Variants in ATCAY observed in about 807,000 individuals in gnomAD.
The protein encoded by ATCAY is caytaxin.
In ATCAY, 22 loss-of-function variants were observed where a neutral mutation model predicts 47.7. The observed-to-expected ratio is 0.46, with a 90% confidence interval of 0.33 to 0.66. The LOEUF (loss-of-function observed/expected upper bound fraction) is 0.66. Among genes scored for constraint, ATCAY ranks in the 30% least tolerant of loss-of-function variants. The pLI, the probability that ATCAY is intolerant of heterozygous loss-of-function variation, is 0.02. For missense variants in ATCAY, 452 were observed against 515.0 expected, an observed-to-expected ratio of 0.88 and a Z score of 1.18; for synonymous variants, 216 against 207.6, an observed-to-expected ratio of 1.04 and a Z score of -0.35.
chr19:3,912,456 G>A (rs539355870), intron 8 of ATCAY, among the ~76,000 whole-genome samples: 10 of 152,062 alleles, frequency 6.6e-5, no homozygotes, highest in Admixed American at 1.3e-4. Flanking sequence ...GACTACAGGC[G>A]CCCGCCACCA....
intron 1 of ATCAY, among the ~76,000 whole-genome samples, chr19:3,884,371 T>A (rs1341048283): frequency 6.6e-6 from 1 of 152,134 alleles, no homozygotes; most frequent in African/African-American, 2.4e-5. Context: ...CTTTCCACAC[T>A]GCCTTAGTGA....
intron 9 of ATCAY, among the ~76,000 whole-genome samples, chr19:3,915,775 G>A (rs1269965875): frequency 1.2e-4 from 16 of 129,036 alleles, no homozygotes; most frequent in Non-Finnish European, 2.6e-4. Context: ...GGCTGGTCTC[G>A]AACTCCCGAC....
At chr19:3,904,654 A>ACG (rs1318511379) in intron 3 of ATCAY, among the ~76,000 whole-genome samples, 31 of 151,678 alleles carry the variant, frequency 2.0e-4, no homozygotes, top group African/African-American at 6.8e-4. Flanking sequence ...ACACACACAC[A>ACG]CACACGTCCT....
chr19:3,922,300 A>G, intron 12 of ATCAY: 1 of 686,704 alleles, frequency 1.5e-6, no homozygotes, highest in Non-Finnish European at 2.6e-6. Context: ...AAAGAGGTTT[A>G]ATTGACTCAC....
rs1317877231 is a variant in ATCAY at position 3,917,683 on chromosome 19, C to CA, written c.966-54dup. 5.0e-6 allele frequency: 8 copies of CA among 1,600,180 alleles called. No individual in the cohort carries two copies. In the African/African-American group the frequency reaches 8.1e-5, roughly 16 times the overall value. ...TGCTTGAAAAGGAAAGGGATTTCCC[C>CA]AAAAAGTATATCTCAGGGGAAAGGA... is the stretch of plus-strand genomic sequence containing the variant. On this transcript the variant is annotated intron_variant, in intron 9 of 12. Transcript: ENST00000450849.
At chr19:3,913,102 A>G (rs1035172417) in intron 8 of ATCAY, among the ~76,000 whole-genome samples, 2 of 152,114 alleles carry the variant, frequency 1.3e-5, no homozygotes, top group Non-Finnish European at 2.9e-5. Flanking sequence ...AGCCTGGCCA[A>G]CATGATGAAA....
rs181823862 is a variant in ATCAY at position 3,886,973 on chromosome 19, C to T, written c.77+1129C>T. 3.7e-3 allele frequency among the ~76,000 whole-genome samples: 568 copies of T among 152,158 alleles called. 2 individuals are homozygous for T. Among genetic ancestry groups the T allele is most frequent in the African/African-American group, 0.013 (529 of 41,540 alleles). On this transcript the variant is annotated intron_variant, in intron 2 of 12. Coordinates refer to ENST00000450849, the MANE Select transcript of ATCAY (RefSeq NM_033064.5). Reference sequence around the variant, plus strand: ...CTTGGATTCCAGGCAAGAGCCACCGCGCCCGGCCCCTACGCTGAACATTTT... The same window carrying T: ...CTTGGATTCCAGGCAAGAGCCACCGTGCCCGGCCCCTACGCTGAACATTTT...
intron 7 of ATCAY, among the ~76,000 whole-genome samples, chr19:3,910,082 C>A (rs1179189926): frequency 1.3e-5 from 2 of 152,130 alleles, no homozygotes; most frequent in African/African-American, 4.8e-5. Context: ...GAGCGAGACT[C>A]TGTCCCCATG....
In ATCAY at chr19:3,909,543, G is replaced by C. The variant is rs138571070; in HGVS notation, c.705G>C (p.Leu235=). The change falls in exon 7 of 13, where the codon CTG becomes CTC. Residue 235 remains leucine (L), a synonymous_variant. Coordinates refer to ENST00000450849, the MANE Select transcript of ATCAY (RefSeq NM_033064.5). ...LVAEDYMIVY[L]NGATPRRRMP... is the part of the protein sequence containing the mutation. The stretch of plus-strand genomic sequence containing the variant: ...CTGAGGACTACATGATCGTGTACCT[G>C]AACGGTGCCACGCCCCGGCGGAGGA... 634 of 1,613,858 alleles carry C rather than the reference G, an allele frequency of 3.9e-4. No individual in the cohort carries two copies. Among genetic ancestry groups the C allele is most frequent in the Non-Finnish European group, 4.9e-4 (578 of 1,179,862 alleles).
At chr19:3,919,773 T>A (rs960713161) in intron 11 of ATCAY, among the ~76,000 whole-genome samples, 1 of 149,856 alleles carries the variant, frequency 6.7e-6, no homozygotes, top group South Asian at 2.1e-4. Context: ...AAAAAAGTTA[T>A]CATGATGTTC....
At chr19:3,910,043 C>T (rs2038910297) in intron 7 of ATCAY, among the ~76,000 whole-genome samples, 1 of 152,106 alleles carries the variant, frequency 6.6e-6, no homozygotes, top group South Asian at 2.1e-4. Context: ...GAGCCGAGAT[C>T]ATGCCACTGC....
intron 5 of ATCAY, 67 bp from the exon 6 acceptor site, chr19:3,908,201 G>A: frequency 2.2e-6 from 3 of 1,369,244 alleles, no homozygotes; most frequent in East Asian, 2.5e-5. Context: ...CGTGGTGGGT[G>A]GTGCGCGGGA....
intron 9 of ATCAY, among the ~76,000 whole-genome samples, chr19:3,916,668 G>T (rs2038968765): frequency 1.3e-5 from 2 of 151,832 alleles, no homozygotes; most frequent in African/African-American, 4.8e-5. Context: ...TAATTTTTTT[G>T]TATTTTTAGT....
At chr19:3,903,610 A>C (rs2038833432) in intron 3 of ATCAY, among the ~76,000 whole-genome samples, 1 of 151,492 alleles carries the variant, frequency 6.6e-6, no homozygotes, top group Non-Finnish European at 1.5e-5. Context: ...TGCAGCCTCA[A>C]CCTCCTGGGC....
At chr19:3,890,179 G>T (rs1391647540) in intron 2 of ATCAY, among the ~76,000 whole-genome samples, 1 of 141,360 alleles carries the variant, frequency 7.1e-6, no homozygotes, top group Non-Finnish European at 1.5e-5. Flanking sequence ...CTCAACCTCA[G>T]GTGATCTGCC....
In ATCAY at chr19:3,925,542, T is replaced by A. The variant is rs1194938799; in HGVS notation, c.*950T>A. On this transcript the variant is annotated 3_prime_UTR_variant, in exon 13 of 13. Transcript: ENST00000450849. This position sits in a 1 kb window ranked among gnomAD's most constrained non-coding sequence, Gnocchi z 4.4. ...TTCAGAAGTCATTCGGGAAGATAAA[T>A]CCAGTGCGCTGGCCGCAGCCACCTG... is the stretch of plus-strand genomic sequence containing the variant. The A allele has an allele frequency of 6.6e-6, 1 of 152,176 alleles. No individual in the cohort carries two copies. The highest frequency in any genetic ancestry group is 1.5e-5 in the Non-Finnish European group (1 of 68,030). The allele number at this position is 152,176 out of a possible 1,614,324, so 9.4% of individuals were successfully genotyped here.
intron 1 of ATCAY, among the ~76,000 whole-genome samples, chr19:3,884,324 G>A (rs2038628327): frequency 6.7e-6 from 1 of 148,646 alleles, no homozygotes; most frequent in South Asian, 2.1e-4. Context: ...GCATTTTGTG[G>A]TAGTAAAGAT....
chr19:3,900,399 G>T (rs943620083), intron 2 of ATCAY, among the ~76,000 whole-genome samples: 2 of 151,896 alleles, frequency 1.3e-5, no homozygotes, highest in African/African-American at 4.8e-5. Flanking sequence ...TGTTGCCCAG[G>T]CTGGCCTAAT....
chr19:3,912,543 T>C (rs190504670), intron 8 of ATCAY, among the ~76,000 whole-genome samples: 1 of 152,006 alleles, frequency 6.6e-6, no homozygotes, highest in Non-Finnish European at 1.5e-5. Context: ...ATCTCCTGAC[T>C]TCGTGATCCG....
Sources: allele counts gnomAD v4.1 joint callset (sites outside exome capture counted in the v4.1 genomes callset), GRCh38; gene constraint gnomAD v4.1.1; non-coding constraint Gnocchi (gnomAD v3.1); transcripts MANE v1.5; gene names NCBI Gene and HGNC (gene_info 2026-07-23, HGNC 2026-07-21).